Variants in RAB3C observed in about 807,000 individuals in gnomAD.
RAB3C encodes the protein ras-related protein Rab-3C.
A neutral mutation model predicts 26.4 loss-of-function variants in RAB3C; 17 were observed. The ratio of observed to expected loss-of-function variants is 0.64; its 90% confidence interval spans 0.44 to 0.97. RAB3C has a LOEUF of 0.97. RAB3C is among the 50% of genes least tolerant of loss of function. The pLI, the probability that RAB3C is intolerant of heterozygous loss-of-function variation, is 0.00. For synonymous variants in RAB3C, 91 were observed against 95.9 expected, an observed-to-expected ratio of 0.95 and a Z score of 0.30; for missense variants, 242 against 281.9, an observed-to-expected ratio of 0.86 and a Z score of 1.01.
intron 3 of RAB3C, among the ~76,000 whole-genome samples, chr5:58,769,640 T>C (rs559897854): frequency 6.6e-6 from 1 of 152,348 alleles, no homozygotes; most frequent in African/African-American, 2.4e-5. Flanking sequence ...GATTTGGACT[T>C]TTCATGTCTT....
chr5:58,615,460 A>G (rs1374437631), intron 1 of RAB3C, among the ~76,000 whole-genome samples: 2 of 152,184 alleles, frequency 1.3e-5, no homozygotes, highest in East Asian at 3.9e-4. Context: ...TGAAAGGACA[A>G]TGTCTGCAGG....
intron 1 of RAB3C, among the ~76,000 whole-genome samples, chr5:58,596,088 C>G (rs914936019): frequency 2.0e-5 from 3 of 152,004 alleles, no homozygotes; most frequent in Non-Finnish European, 4.4e-5. Context: ...ATGCCCCAGC[C>G]AAAACTAGGG....
At chr5:58,719,222 A>T (rs571439164) in intron 2 of RAB3C, among the ~76,000 whole-genome samples, 7 of 152,040 alleles carry the variant, frequency 4.6e-5, no homozygotes, top group Non-Finnish European at 8.8e-5. Flanking sequence ...TAGGACATAC[A>T]TTAGAATAAG....
At chr5:58,679,608 A>C (rs1748305701) in intron 2 of RAB3C, among the ~76,000 whole-genome samples, 1 of 152,192 alleles carries the variant, frequency 6.6e-6, no homozygotes, top group South Asian at 2.1e-4. Flanking sequence ...TTATCTGACC[A>C]AAGGCAGTTT....
chr5:58,588,245 T>C (rs977976134), intron 1 of RAB3C, among the ~76,000 whole-genome samples: 1 of 152,138 alleles, frequency 6.6e-6, no homozygotes, highest in East Asian at 1.9e-4. Flanking sequence ...CTGGAATAAA[T>C]GGTAAGTATA....
intron 3 of RAB3C, among the ~76,000 whole-genome samples, chr5:58,754,228 A>G (rs1269540583): frequency 6.6e-6 from 1 of 152,192 alleles, no homozygotes; most frequent in Admixed American, 6.5e-5. Context: ...GCTTTACAAC[A>G]CAATTATTAT....
chr5:58,675,173 A>G (rs536941549), intron 2 of RAB3C, among the ~76,000 whole-genome samples: 1 of 152,152 alleles, frequency 6.6e-6, no homozygotes, highest in African/African-American at 2.4e-5. Context: ...CCTTTCTGAA[A>G]AACATTTTTT....
rs1327325910 is a variant in RAB3C, at chr5:58,612,546, ATG to A, written c.25-5095_25-5094del. Among the ~76,000 whole-genome samples, 202 of 53,408 alleles carry A rather than the reference ATG, an allele frequency of 3.8e-3. 2 individuals are homozygous for A. Among genetic ancestry groups the A allele is most frequent in the Non-Finnish European group, 5.5e-3 (137 of 25,032 alleles). The allele number at this position is 53,408 out of a possible 152,430, so 35.0% of individuals were successfully genotyped here. On this transcript the variant is annotated intron_variant, in intron 1 of 4. Coordinates refer to ENST00000282878, the MANE Select transcript of RAB3C (RefSeq NM_138453.4). Reference sequence around the variant, plus strand: ...TATATATATATATATATATATATATATGTATATATATATATATGTATATATAT... The same window carrying A: ...TATATATATATATATATATATATATATATATATATATATATGTATATATAT...
chr5:58,739,988 G>C (rs957293418), intron 3 of RAB3C, among the ~76,000 whole-genome samples: 2 of 152,210 alleles, frequency 1.3e-5, no homozygotes, highest in Non-Finnish European at 2.9e-5. Flanking sequence ...TCCAAACTTT[G>C]TTTTAAGCAA....
intron 2 of RAB3C, among the ~76,000 whole-genome samples, chr5:58,652,498 G>A (rs1017334112): frequency 6.7e-6 from 1 of 150,372 alleles, no homozygotes; most frequent in Admixed American, 6.6e-5. Flanking sequence ...AATCATTATT[G>A]CATGAACTGT....
At chr5:58,745,481 A>G (rs1741384869) in intron 3 of RAB3C, among the ~76,000 whole-genome samples, 1 of 151,392 alleles carries the variant, frequency 6.6e-6, no homozygotes, top group Non-Finnish European at 1.5e-5. Context: ...CCAGACCACA[A>G]GCTGTTATTC....
At chr5:58,656,825 G>A (rs988330623) in intron 2 of RAB3C, among the ~76,000 whole-genome samples, 12 of 152,188 alleles carry the variant, frequency 7.9e-5, no homozygotes, top group Non-Finnish European at 1.6e-4. Flanking sequence ...AAACAGTGTG[G>A]AGATTCCTTA....
intron 2 of RAB3C, among the ~76,000 whole-genome samples, chr5:58,683,703 G>A (rs961520852): frequency 2.0e-5 from 3 of 152,130 alleles, no homozygotes; most frequent in African/African-American, 7.2e-5. Flanking sequence ...GTAGTGTGAT[G>A]GAATCTCACA....
At chr5:58,665,782 C>G (rs1262350761) in intron 2 of RAB3C, among the ~76,000 whole-genome samples, 3 of 152,060 alleles carry the variant, frequency 2.0e-5, no homozygotes, top group African/African-American at 7.2e-5. Flanking sequence ...TAAAGGTATC[C>G]CATACATGTA....
intron 2 of RAB3C, among the ~76,000 whole-genome samples, chr5:58,724,588 T>C (rs1393665669): frequency 2.0e-5 from 3 of 151,774 alleles, no homozygotes; most frequent in African/African-American, 7.3e-5. Flanking sequence ...AGATTTTAAA[T>C]AAATATGATC....
At chr5:58,826,156 G>A (rs1743470746) in intron 4 of RAB3C, among the ~76,000 whole-genome samples, 1 of 152,094 alleles carries the variant, frequency 6.6e-6, no homozygotes, top group Non-Finnish European at 1.5e-5. Flanking sequence ...AAGATAAAGA[G>A]CAATGCAGAG....
intron 1 of RAB3C, among the ~76,000 whole-genome samples, chr5:58,588,686 GA>G (rs1746062919): frequency 6.6e-6 from 1 of 151,930 alleles, no homozygotes; most frequent in African/African-American, 2.4e-5. Flanking sequence ...TTTTGGTGAG[GA>G]TTTTTTTGAA....
At chr5:58,708,989 T>TG (rs1749006138) in intron 2 of RAB3C, among the ~76,000 whole-genome samples, 1 of 152,256 alleles carries the variant, frequency 6.6e-6, no homozygotes, top group Admixed American at 6.5e-5. Context: ...AGCATATACT[T>TG]GCTTGTCTGC....
chr5:58,621,013 A>T (rs746932748), intron 2 of RAB3C, among the ~76,000 whole-genome samples: 4 of 152,232 alleles, frequency 2.6e-5, no homozygotes, highest in Non-Finnish European at 5.9e-5. Flanking sequence ...AACAACTCTC[A>T]CAAATCACTT....
Sources: gnomAD v4.1 joint callset for allele counts (sites outside exome capture counted in the v4.1 genomes callset) on GRCh38, gnomAD v4.1.1 for gene constraint, MANE v1.5 for transcripts, NCBI Gene and HGNC (gene_info 2026-07-23, HGNC 2026-07-21) for gene names.